Variants in COL23A1 observed in about 807,000 individuals in gnomAD.
COL23A1 encodes the protein collagen type XXIII alpha 1 chain.
In COL23A1, 97 loss-of-function variants were observed where a neutral mutation model predicts 99.3. The observed-to-expected ratio is 0.98, with a 90% CI of 0.83 to 1.16. The LOEUF (loss-of-function observed/expected upper bound fraction) is 1.16. Ranked by LOEUF, COL23A1 falls within the 50% of genes most tolerant of loss-of-function variation. The pLI, the probability that COL23A1 is intolerant of heterozygous loss-of-function variation, is 0.00. For synonymous variants in COL23A1, 320 were observed against 308.2 expected (o/e 1.04, Z -0.40); for missense variants, 762 against 757.4 (o/e 1.01, Z -0.07).
intron 16 of COL23A1, among the ~76,000 whole-genome samples, chr5:178,253,389 C>T (rs917635072): frequency 5.9e-5 from 9 of 152,112 alleles, no homozygotes; most frequent in African/African-American, 2.2e-4. Flanking sequence ...GACCTCCCTG[C>T]CTGGGGTCCC....
intron 16 of COL23A1, 105 bp downstream of exon 16, chr5:178,254,844 C>G: frequency 1.0e-6 from 1 of 993,076 alleles, no homozygotes; most frequent in East Asian, 2.5e-5. Flanking sequence ...TAAGCTGCCT[C>G]TGGTCCCTTG....
intron 2 of COL23A1, among the ~76,000 whole-genome samples, chr5:178,357,545 G>C (rs1761728295): frequency 6.6e-6 from 1 of 152,222 alleles, no homozygotes; most frequent in Non-Finnish European, 1.5e-5. Context: ...TTTGGAATCT[G>C]CTCTGAATGA....
At chr5:178,347,289 A>G (rs920093386) in intron 2 of COL23A1, among the ~76,000 whole-genome samples, 3 of 152,200 alleles carry the variant, frequency 2.0e-5, no homozygotes, top group South Asian at 2.1e-4. Context: ...AATAGCCACG[A>G]ATGAACCTTG....
At chr5:178,319,869 T>A (rs1167563495) in intron 2 of COL23A1, among the ~76,000 whole-genome samples, 1 of 145,768 alleles carries the variant, frequency 6.9e-6, no homozygotes, top group Non-Finnish European at 1.5e-5. Context: ...AGGGCATCTG[T>A]AAGAAGGGAG....
intron 25 of COL23A1, among the ~76,000 whole-genome samples, chr5:178,245,084 CA>C: frequency 6.6e-6 from 1 of 150,874 alleles, no homozygotes; most frequent in Non-Finnish European, 1.5e-5. Context: ...ATCTATCATC[CA>C]TCCATCCGTC....
At chr5:178,393,669 A>T (rs7726742) in intron 2 of COL23A1, among the ~76,000 whole-genome samples, 6,909 of 140,782 alleles carry the variant, frequency 0.049, 513 homozygotes, top group African/African-American at 0.17. Context: ...TTTTTTTTCC[A>T]GACAGGGTCT....
intron 2 of COL23A1, among the ~76,000 whole-genome samples, chr5:178,543,885 C>T (rs1441926060): frequency 6.6e-6 from 1 of 152,150 alleles, no homozygotes; most frequent in Non-Finnish European, 1.5e-5. Flanking sequence ...TGTAAGGCGC[C>T]TGCAGATTCA....
chr5:178,549,740 G>C (rs7734633), intron 2 of COL23A1, among the ~76,000 whole-genome samples: 1 of 152,072 alleles, frequency 6.6e-6, no homozygotes, highest in Non-Finnish European at 1.5e-5. Context: ...GCTTGAATCC[G>C]GGAGGCAGAG....
At chr5:178,580,197 G>A (rs537193698) in intron 1 of COL23A1, among the ~76,000 whole-genome samples, 2 of 152,188 alleles carry the variant, frequency 1.3e-5, no homozygotes, top group East Asian at 1.9e-4. Context: ...GTGTGATGGC[G>A]CATGCCTGTA....
intron 2 of COL23A1, among the ~76,000 whole-genome samples, chr5:178,485,779 C>CAAAAAAA (rs528117830): frequency 1.0e-5 from 1 of 99,360 alleles, no homozygotes; most frequent in Non-Finnish European, 1.9e-5. Flanking sequence ...GACTCCATCT[C>CAAAAAAA]AAAAAAAAAA....
intron 2 of COL23A1, among the ~76,000 whole-genome samples, chr5:178,325,552 T>A (rs572120186): frequency 6.6e-6 from 1 of 152,100 alleles, no homozygotes; most frequent in Non-Finnish European, 1.5e-5. Flanking sequence ...CATGGACTTA[T>A]GTCTTAGCCT....
At chr5:178,562,175 G>T in intron 1 of COL23A1, 1 of 472,280 alleles carries the variant, frequency 2.1e-6, no homozygotes, top group Non-Finnish European at 4.2e-6. Context: ...GCGAGAGGCG[G>T]AGGTTGCAGT....
At chr5:178,357,844 G>T (rs1475692884) in intron 2 of COL23A1, among the ~76,000 whole-genome samples, 1 of 150,206 alleles carries the variant, frequency 6.7e-6, no homozygotes, top group East Asian at 2.0e-4. Flanking sequence ...GTGTGTGTAT[G>T]TCTAATGTGT....
chr5:178,424,155 C>A (rs926339247), intron 2 of COL23A1, among the ~76,000 whole-genome samples: 1 of 152,232 alleles, frequency 6.6e-6, no homozygotes, highest in African/African-American at 2.4e-5. Context: ...GAAAATCAAG[C>A]AGCCTCCCTT....
At chr5:178,443,530 G>A (rs745967061) in intron 2 of COL23A1, among the ~76,000 whole-genome samples, 2 of 152,052 alleles carry the variant, frequency 1.3e-5, no homozygotes, top group African/African-American at 2.4e-5. Flanking sequence ...GCACGATCTC[G>A]GCTCACTGCA....
intron 2 of COL23A1, among the ~76,000 whole-genome samples, chr5:178,391,387 C>T (rs1250254664): frequency 1.3e-5 from 2 of 152,192 alleles, no homozygotes; most frequent in Admixed American, 1.3e-4. Flanking sequence ...AGGATTCTTA[C>T]AAGTCAACAA....
rs531870349 is a variant in COL23A1 at position 178,556,383 on chromosome 5, G to A, written c.361+4299C>T. Among the ~76,000 whole-genome samples the A allele has an allele frequency of 4.7e-3, 716 of 152,324 alleles. 2 individuals carry two copies. Among genetic ancestry groups the A allele is most frequent in the Middle Eastern group, 0.014 (4 of 294 alleles). The stretch of plus-strand genomic sequence containing the variant: ...CACGCCTATAATCCCAGTACTTTGG[G>A]AGGCCGAGGCGGGTGTATCACCTGA... On this transcript the variant is annotated intron_variant, in intron 2 of 28. Transcript: ENST00000390654.
chr5:178,469,588 G>A (rs947193720), intron 2 of COL23A1, among the ~76,000 whole-genome samples: 1 of 152,050 alleles, frequency 6.6e-6, no homozygotes, highest in Admixed American at 6.6e-5. Context: ...GAGCACTCTC[G>A]GGGGAGCTGG....
At chr5:178,243,771 C>G (rs1764533075) in intron 25 of COL23A1, among the ~76,000 whole-genome samples, 1 of 152,168 alleles carries the variant, frequency 6.6e-6, no homozygotes, top group Non-Finnish European at 1.5e-5. Flanking sequence ...CTTTGAGATG[C>G]CACCCTGAGA....
Sources: gnomAD v4.1 joint callset for allele counts (sites outside exome capture counted in the v4.1 genomes callset) on GRCh38, gnomAD v4.1.1 for gene constraint, MANE v1.5 for transcripts, NCBI Gene and HGNC (gene_info 2026-07-23, HGNC 2026-07-21) for gene names.